The following RCAN2 variants were observed in gnomAD, a reference collection of about 807,000 sequenced individuals.
RCAN2 encodes regulator of calcineurin 2.
A neutral mutation model predicts 23.6 loss-of-function variants in RCAN2; 9 were observed. The observed-to-expected ratio is 0.38, with a 90% CI of 0.23 to 0.67. The LOEUF (loss-of-function observed/expected upper bound fraction) is 0.67, where lower values mean the gene tolerates loss of function less well. RCAN2 is among the 30% of genes least tolerant of loss of function. RCAN2 has a pLI of 0.51. For missense variants in RCAN2, 273 were observed against 302.3 expected (o/e 0.90, Z 0.72); for synonymous variants, 109 against 115.7 (o/e 0.94, Z 0.37).
At chr6:46,314,868 C>A (rs1236744431) in intron 2 of RCAN2, among the ~76,000 whole-genome samples, 1 of 152,246 alleles carries the variant, frequency 6.6e-6, no homozygotes, top group East Asian at 1.9e-4. Flanking sequence ...CAAGACCAGC[C>A]TGGGCAACAT....
intron 2 of RCAN2, among the ~76,000 whole-genome samples, chr6:46,417,921 G>A (rs535517443): frequency 6.6e-6 from 1 of 152,262 alleles, no homozygotes; most frequent in African/African-American, 2.4e-5. Context: ...GAAAACTGAG[G>A]CTTAGATTTG....
In RCAN2 at chr6:46,405,352, G is replaced by A. The variant is rs529304603; in HGVS notation, c.225+51400C>T. Among the ~76,000 whole-genome samples, 386 of 152,250 alleles carry A rather than the reference G, an allele frequency of 2.5e-3. 3 individuals carry two copies. Among genetic ancestry groups the A allele is most frequent in the Non-Finnish European group, 2.9e-3 (198 of 68,010 alleles). On this transcript the variant is annotated intron_variant, in intron 2 of 4. Transcript: ENST00000371374. ...CCACAGGGTGGAAGGGGACCCGAGC[G>A]GGTTGCCACTGCTGGCTTGGGCAGC... is the stretch of plus-strand genomic sequence containing the variant.
At chr6:46,364,431 G>T (rs1765105385) in intron 2 of RCAN2, among the ~76,000 whole-genome samples, 1 of 152,084 alleles carries the variant, frequency 6.6e-6, no homozygotes, top group Non-Finnish European at 1.5e-5. Context: ...AAATTATTAG[G>T]CAGGGTTATC....
chr6:46,419,751 G>A (rs1278935583), intron 2 of RCAN2, among the ~76,000 whole-genome samples: 6 of 152,162 alleles, frequency 3.9e-5, no homozygotes, highest in Non-Finnish European at 7.3e-5. Flanking sequence ...GATGGCAGCA[G>A]GGACTCTTGG....
chr6:46,370,516 T>C (rs930766984), intron 2 of RCAN2, among the ~76,000 whole-genome samples: 2 of 152,062 alleles, frequency 1.3e-5, no homozygotes, highest in African/African-American at 2.4e-5. Context: ...AAAGAAAGAG[T>C]TGGAGGTAGT....
chr6:46,249,317 CT>C (rs11331303), intron 2 of RCAN2, among the ~76,000 whole-genome samples: 69,604 of 97,134 alleles, frequency 0.72, 24,450 homozygotes, highest in African/African-American at 0.74. Context: ...TTCTTTCTTT[CT>C]TTTTTTTTTT....
intron 2 of RCAN2, among the ~76,000 whole-genome samples, chr6:46,429,955 T>C (rs1561902412): frequency 6.6e-6 from 1 of 152,142 alleles, no homozygotes. Flanking sequence ...AAAGTTAGCA[T>C]GGCTGGAGAC....
chr6:46,416,374 T>C (rs1766715078), intron 2 of RCAN2, among the ~76,000 whole-genome samples: 1 of 148,242 alleles, frequency 6.7e-6, no homozygotes. Context: ...AAGGATCTAG[T>C]ATGGTACCTT....
intron 2 of RCAN2, among the ~76,000 whole-genome samples, chr6:46,448,458 A>ATACT (rs1373486777): frequency 1.3e-5 from 2 of 151,892 alleles, no homozygotes; most frequent in Non-Finnish European, 3.0e-5. Context: ...TGAAAAAGGA[A>ATACT]TACTTCCAAC....
chr6:46,303,643 G>T (rs1038202826), intron 2 of RCAN2, among the ~76,000 whole-genome samples: 2 of 152,014 alleles, frequency 1.3e-5, no homozygotes, highest in African/African-American at 4.8e-5. Context: ...CCCTCTTCCA[G>T]TCAATAACCA....
intron 1 of RCAN2, among the ~76,000 whole-genome samples, chr6:46,467,505 C>T (rs554890765): frequency 1.3e-5 from 2 of 152,352 alleles, no homozygotes; most frequent in South Asian, 2.1e-4. Context: ...ACAGAGCAAC[C>T]TTCTGTCTCA....
chr6:46,284,144 G>A (rs1035830165), intron 2 of RCAN2, among the ~76,000 whole-genome samples: 1 of 152,096 alleles, frequency 6.6e-6, no homozygotes. Flanking sequence ...AGGATAAAGC[G>A]ATAGAGTTAA....
At chr6:46,286,961 C>T (rs919795635) in intron 2 of RCAN2, among the ~76,000 whole-genome samples, 68 of 151,894 alleles carry the variant, frequency 4.5e-4, no homozygotes, top group East Asian at 1.7e-3. Flanking sequence ...GCCGAGATCG[C>T]GCCGTTGTAC....
chr6:46,265,050 A>G (rs1441555249), intron 2 of RCAN2, among the ~76,000 whole-genome samples: 1 of 152,138 alleles, frequency 6.6e-6, no homozygotes, highest in Non-Finnish European at 1.5e-5. Context: ...CTTTCAGTGC[A>G]TCTCACCCAG....
chr6:46,242,814 A>G (rs1372715288), intron 4 of RCAN2, among the ~76,000 whole-genome samples: 1 of 152,208 alleles, frequency 6.6e-6, no homozygotes, highest in African/African-American at 2.4e-5. Flanking sequence ...TAAGAAAGCA[A>G]CAATTTGTCA....
intron 2 of RCAN2, among the ~76,000 whole-genome samples, chr6:46,414,389 A>G (rs1460446337): frequency 1.3e-5 from 2 of 152,198 alleles, no homozygotes; most frequent in Non-Finnish European, 2.9e-5. Context: ...TAGTTAGAGA[A>G]ATGACAGAGG....
At chr6:46,477,042 C>T (rs965758458) in intron 1 of RCAN2, among the ~76,000 whole-genome samples, 2 of 152,136 alleles carry the variant, frequency 1.3e-5, no homozygotes, top group African/African-American at 4.8e-5. Flanking sequence ...TTCCTGAATA[C>T]AAGCATGGGC....
At chr6:46,455,773 G>A (rs954485968) in intron 2 of RCAN2, among the ~76,000 whole-genome samples, 9 of 151,174 alleles carry the variant, frequency 6.0e-5, no homozygotes, top group Non-Finnish European at 5.9e-5. Flanking sequence ...GGAGAATGGC[G>A]TGAACCCAAG....
chr6:46,422,105 G>A (rs1407480825), intron 2 of RCAN2, among the ~76,000 whole-genome samples: 1 of 152,114 alleles, frequency 6.6e-6, no homozygotes, highest in Non-Finnish European at 1.5e-5. Flanking sequence ...AATGGGAGGT[G>A]TTGGGGTCAT....
Sources: allele counts gnomAD v4.1 joint callset (sites outside exome capture counted in the v4.1 genomes callset), GRCh38; gene constraint gnomAD v4.1.1; transcripts MANE v1.5; gene names NCBI Gene and HGNC (gene_info 2026-07-23, HGNC 2026-07-21).